The following PAX5 variants were observed in gnomAD, a reference collection of about 807,000 sequenced individuals.
PAX5 encodes paired box protein Pax-5.
Under a neutral mutation model 43.7 loss-of-function variants are expected in PAX5, and 9 were observed. The ratio of observed to expected loss-of-function variants is 0.21; its 90% CI spans 0.12 to 0.36. PAX5 has a LOEUF of 0.36. PAX5 is among the 10% of genes least tolerant of loss of function. PAX5 has a pLI of 1.00. For synonymous variants in PAX5, 228 were observed against 214.3 expected (o/e 1.06, Z -0.56); for missense variants, 383 against 532.7 (o/e 0.72, Z 2.77).
intron 7 of PAX5, among the ~76,000 whole-genome samples, chr9:36,901,266 T>C (rs1414942122): frequency 6.6e-6 from 1 of 152,044 alleles, no homozygotes; most frequent in Non-Finnish European, 1.5e-5. Flanking sequence ...ACTCATCCTT[T>C]ATCATGCTGT....
Position 36,948,331 on chromosome 9 carries a change from C to A in PAX5, c.780+18218G>T, listed in dbSNP as rs568937860. Among the ~76,000 whole-genome samples, 147 of 152,302 alleles carry A rather than the reference C, an allele frequency of 9.7e-4. 1 individual carries two copies. The highest frequency in any genetic ancestry group is 3.7e-3 in the Admixed American group (57 of 15,302). On this transcript the variant is annotated intron_variant, in intron 6 of 9. Transcript: ENST00000358127. ...GAGGCTGACAGTCCATCCCTTCCTC[C>A]GAGAGGGACGGGACACATTCTGTTA...
intron 8 of PAX5, chr9:36,861,350 C>T (rs986693308): frequency 3.3e-5 from 5 of 151,020 alleles, no homozygotes; most frequent in Admixed American, 6.6e-5. Context: ...GGATATAGCC[C>T]TGAACAAAGC....
intron 6 of PAX5, among the ~76,000 whole-genome samples, chr9:36,924,158 A>G (rs1830400077): frequency 6.6e-6 from 1 of 152,154 alleles, no homozygotes; most frequent in Non-Finnish European, 1.5e-5. Flanking sequence ...TATGCTGAAA[A>G]CCACAGGGTG....
At chr9:36,917,455 T>C (rs1479982100) in intron 7 of PAX5, among the ~76,000 whole-genome samples, 2 of 152,236 alleles carry the variant, frequency 1.3e-5, no homozygotes, top group Non-Finnish European at 2.9e-5. Context: ...AATTTTCCAG[T>C]TTTTGTAAGG....
intron 6 of PAX5, among the ~76,000 whole-genome samples, chr9:36,954,816 T>G (rs1833316955): frequency 6.6e-6 from 1 of 152,206 alleles, no homozygotes; most frequent in Non-Finnish European, 1.5e-5. Flanking sequence ...TTTCTCTGTT[T>G]TTATTTTTCC....
Position 36,972,889 on chromosome 9 carries a change from G to A in PAX5, c.605-6165C>T, listed in dbSNP as rs145645377. ...CTAAAAATAGAAAAATTAGCCAGGC[G>A]TGGTGGCGGGAGCCTGTAATCCCAG... is the stretch of plus-strand genomic sequence containing the variant. On this transcript the variant is annotated intron_variant, in intron 5 of 9. Transcript: ENST00000358127. 2.3e-3 allele frequency among the ~76,000 whole-genome samples: 352 copies of A among 151,946 alleles called. 2 individuals are homozygous for A. The highest frequency in any genetic ancestry group is 7.1e-3 in the African/African-American group (293 of 41,392).
intron 7 of PAX5, among the ~76,000 whole-genome samples, chr9:36,886,294 CT>C (rs569405524): frequency 3.4e-4 from 52 of 152,366 alleles, no homozygotes; most frequent in African/African-American, 1.2e-3. Context: ...AATGTCATCA[CT>C]GTTCTCTACT....
chr9:36,995,337 T>C (rs1208216360), intron 5 of PAX5, among the ~76,000 whole-genome samples: 1 of 152,110 alleles, frequency 6.6e-6, no homozygotes, highest in Non-Finnish European at 1.5e-5. Flanking sequence ...TGGCAGGCCC[T>C]GAGTGGGCAA....
intron 5 of PAX5, among the ~76,000 whole-genome samples, chr9:36,984,646 G>A (rs1020341635): frequency 8.6e-5 from 13 of 151,536 alleles, no homozygotes; most frequent in African/African-American, 2.9e-4. Flanking sequence ...GTATTTTTAG[G>A]GGTTTCATCA....
At chr9:36,881,567 T>C (rs1826413336) in intron 8 of PAX5, among the ~76,000 whole-genome samples, 1 of 151,846 alleles carries the variant, frequency 6.6e-6, no homozygotes, top group African/African-American at 2.4e-5. Flanking sequence ...CCTGAACACA[T>C]TATCCTCAAC....
intron 6 of PAX5, among the ~76,000 whole-genome samples, chr9:36,961,477 G>T (rs1833971844): frequency 6.6e-6 from 1 of 152,200 alleles, no homozygotes; most frequent in Non-Finnish European, 1.5e-5. Context: ...GCAATGGGAT[G>T]GATAATTAGC....
chr9:37,022,125 T>C (rs956698267), intron 1 of PAX5, among the ~76,000 whole-genome samples: 1 of 152,206 alleles, frequency 6.6e-6, no homozygotes, highest in Non-Finnish European at 1.5e-5. Context: ...CACTCAAGTT[T>C]CCCATGAATA....
Position 36,839,583 on chromosome 9 carries a change from T to G in PAX5, c.*977A>C, listed in dbSNP as rs1587716467. The G allele has an allele frequency of 4.3e-6, 1 of 233,322 alleles. No homozygotes were observed. The highest frequency in any genetic ancestry group is 1.3e-3 in the Middle Eastern group (1 of 786). 14.5% of individuals were successfully genotyped at this position (233,322 alleles called of 1,614,324 possible). ...GGGTGGGTGAAGTGTCCATGGCAGG[T>G]GTCCGAAGTGACCTGAACCTGGGCA... On this transcript the variant is annotated 3_prime_UTR_variant, in exon 10 of 10. Transcript: ENST00000358127.
intron 1 of PAX5, among the ~76,000 whole-genome samples, chr9:37,028,092 G>A (rs1455461166): frequency 1.3e-5 from 2 of 152,202 alleles, no homozygotes; most frequent in Admixed American, 6.5e-5. Context: ...TGAAGGGTGA[G>A]AATGGGGGAA....
At chr9:36,935,259 A>T (rs1831454519) in intron 6 of PAX5, among the ~76,000 whole-genome samples, 1 of 152,182 alleles carries the variant, frequency 6.6e-6, no homozygotes, top group South Asian at 2.1e-4. Context: ...GCATGCCTGT[A>T]ATCCCAGCTA....
At chr9:36,946,238 T>C (rs1327368038) in intron 6 of PAX5, among the ~76,000 whole-genome samples, 1 of 152,138 alleles carries the variant, frequency 6.6e-6, no homozygotes, top group African/African-American at 2.4e-5. Flanking sequence ...AGAGGGGCCA[T>C]GGCCCAGCTG....
At chr9:36,890,359 G>A (rs1030535610) in intron 7 of PAX5, among the ~76,000 whole-genome samples, 2 of 152,196 alleles carry the variant, frequency 1.3e-5, no homozygotes, top group Non-Finnish European at 2.9e-5. Context: ...CCAGAGGAGG[G>A]AGATCTTAGC....
chr9:36,962,680 G>C (rs537251434), intron 6 of PAX5, among the ~76,000 whole-genome samples: 1 of 152,134 alleles, frequency 6.6e-6, no homozygotes, highest in African/African-American at 2.4e-5. Flanking sequence ...TGACTTGCTC[G>C]GCAGGGCAGA....
intron 8 of PAX5, among the ~76,000 whole-genome samples, chr9:36,877,191 G>C (rs1201242165): frequency 6.6e-6 from 1 of 152,026 alleles, no homozygotes; most frequent in African/African-American, 2.4e-5. Context: ...CAAAAATTAG[G>C]TGGCATGGTG....
Sources: gnomAD v4.1 joint callset for allele counts (sites outside exome capture counted in the v4.1 genomes callset) on GRCh38, gnomAD v4.1.1 for gene constraint, MANE v1.5 for transcripts, NCBI Gene and HGNC (gene_info 2026-07-23, HGNC 2026-07-21) for gene names.